NIBAN2: variants seen among roughly 807,000 people sequenced by gnomAD.
NIBAN2 encodes the protein niban apoptosis regulator 2, also known as protein Niban 2.
A neutral mutation model predicts 81.8 loss-of-function variants in NIBAN2; 36 were observed. The ratio of observed to expected loss-of-function variants is 0.44; its 90% CI spans 0.34 to 0.58. The LOEUF is 0.58. Ranked by LOEUF, NIBAN2 falls within the 20% of genes least tolerant of loss-of-function variation. The probability of loss-of-function intolerance (pLI) is 0.02; values close to 1 mark genes in which losing one functional copy is unlikely to be tolerated. For missense variants in NIBAN2, 897 were observed against 1,014.1 expected (o/e 0.88, Z 1.57); for synonymous variants, 445 against 441.6 (o/e 1.01, Z -0.10).
chr9:127,532,780 C>T (rs948065061), intron 1 of NIBAN2, among the ~76,000 whole-genome samples: 1 of 151,398 alleles, frequency 6.6e-6, no homozygotes, highest in Admixed American at 6.6e-5. Flanking sequence ...CACCTATAAT[C>T]CCAGCACTTT....
intron 1 of NIBAN2, among the ~76,000 whole-genome samples, chr9:127,574,122 T>C (rs1267900322): frequency 2.0e-5 from 3 of 152,248 alleles, no homozygotes; most frequent in Non-Finnish European, 4.4e-5. Context: ...ACGCTGTCTC[T>C]ATTCACCAGG....
At position 127,531,545 on chromosome 9, in the gene NIBAN2, C is replaced by T. The variant is rs149047846; in HGVS notation, c.186+103G>A. On this transcript the variant is annotated intron_variant, in intron 2 of 13. Transcript: ENST00000373312. ...CTGGGGAGACCCTTAGAGGCCATCA[C>T]AGTAACAATGGGAAACTGAGGCCCA... 2.6e-6 allele frequency: 3 copies of T among 1,141,130 alleles called. No individual in the cohort carries two copies. The African/African-American group carries it at 4.6e-5, about 18-fold the overall frequency. The allele number at this position is 1,141,130 out of a possible 1,614,324, so 70.7% of individuals were successfully genotyped here. A position where few individuals can be genotyped will look rare whatever the true frequency, so the allele number is the denominator to read the frequency against.
chr9:127,519,688 G>A (rs112990345), intron 5 of NIBAN2, among the ~76,000 whole-genome samples: 11 of 152,374 alleles, frequency 7.2e-5, no homozygotes, highest in African/African-American at 2.4e-4. Flanking sequence ...ACGGGGGCCT[G>A]TGGGAGTCTC....
At chr9:127,556,650 C>T (rs1301065406) in intron 1 of NIBAN2, among the ~76,000 whole-genome samples, 2 of 152,212 alleles carry the variant, frequency 1.3e-5, no homozygotes, top group Non-Finnish European at 2.9e-5. Context: ...GAAACTAAGG[C>T]ATAAAGCCTG....
rs992715022 is a variant in NIBAN2 at position 127,516,052 on chromosome 9, G to T, written c.973+805C>A. Among the ~76,000 whole-genome samples, 4 of 151,990 alleles carry T rather than the reference G, an allele frequency of 2.6e-5. No individual in the cohort carries two copies. In the East Asian group the frequency reaches 7.8e-4, roughly 29 times the overall value. ...ACTTGGGGGGTTGAAGTGGGAGGAT[G>T]GTAGAGACTGCAGTGAGCCAAGGTC... On this transcript the variant is annotated intron_variant, in intron 8 of 13. Transcript: ENST00000373312.
At chr9:127,552,640 T>C (rs1377104025) in intron 1 of NIBAN2, among the ~76,000 whole-genome samples, 2 of 150,800 alleles carry the variant, frequency 1.3e-5, no homozygotes, top group Non-Finnish European at 2.9e-5. Flanking sequence ...GGGCTTTGAC[T>C]GAGTAAGTTA....
rs931733810 is a variant in NIBAN2 at position 127,561,072 on chromosome 9, T to C, written c.55+7748A>G. 1.2e-4 allele frequency: 111 copies of C among 961,630 alleles called. No homozygotes were observed. The African/African-American group carries it at 1.9e-3, about 16-fold the overall frequency. 59.6% of individuals were successfully genotyped at this position (961,630 alleles called of 1,614,324 possible). ...TGGGCAAGGAGGGAGCATGTTCCCA[T>C]CCATCTTCTAACCCTTTTCCTCTGT... On this transcript the variant is annotated intron_variant, in intron 1 of 13. Transcript: ENST00000373312.
chr9:127,553,105 A>G (rs1007846925), intron 1 of NIBAN2, among the ~76,000 whole-genome samples: 18 of 152,168 alleles, frequency 1.2e-4, no homozygotes, highest in Admixed American at 6.5e-5. Flanking sequence ...GGGTGGTAGG[A>G]TTATCGGTGA....
chr9:127,563,016 T>C lies in NIBAN2; in HGVS notation c.55+5804A>G, dbSNP rs1837798744. 6.6e-6 allele frequency among the ~76,000 whole-genome samples: 1 copy of C among 152,220 alleles called. No individual in the cohort carries two copies. The highest frequency in any genetic ancestry group is 2.1e-4 in the South Asian group (1 of 4,836). On this transcript the variant is annotated intron_variant, in intron 1 of 13. Coordinates refer to ENST00000373312, the MANE Select transcript of NIBAN2 (RefSeq NM_022833.4). This position sits in a 1 kb window ranked among gnomAD's most constrained non-coding sequence, Gnocchi z 4.1. ...GTACTCCCAGAGGATGAAGTGGTTA[T>C]CGCAGGACGGCGGGTGAGTGGTTCC...
At chr9:127,549,253 C>T (rs1452808079) in intron 1 of NIBAN2, among the ~76,000 whole-genome samples, 5 of 152,190 alleles carry the variant, frequency 3.3e-5, no homozygotes, top group African/African-American at 1.2e-4. Context: ...TTTCCCTAAG[C>T]CCAAGTCAGG....
At chr9:127,569,184 GCGTCCCACCC>G, upstream of NIBAN2, 1 of 610,082 alleles carries the variant, frequency 1.6e-6, no homozygotes, top group Non-Finnish European at 1.9e-6. Flanking sequence ...TGCGCCCGCC[GCGTCCCACCC>G]CGCCCCGCCC....
chr9:127,518,616 C>G (rs988885430), intron 5 of NIBAN2, among the ~76,000 whole-genome samples: 32 of 152,200 alleles, frequency 2.1e-4, no homozygotes, highest in Non-Finnish European at 3.7e-4. Flanking sequence ...GGCCCATAGG[C>G]CATAGGTTTC....
chr9:127,549,393 A>C (rs540625907), intron 1 of NIBAN2, among the ~76,000 whole-genome samples: 3 of 151,874 alleles, frequency 2.0e-5, no homozygotes, highest in Non-Finnish European at 2.9e-5. Flanking sequence ...ACATGCACGC[A>C]CACACACTCA....
intron 8 of NIBAN2, among the ~76,000 whole-genome samples, chr9:127,512,276 G>A (rs1275802597): frequency 6.9e-6 from 1 of 144,330 alleles, no homozygotes; most frequent in East Asian, 2.0e-4. Flanking sequence ...ACTGAACCAT[G>A]TTCATTTTAC....
In NIBAN2 at chr9:127,563,931, A is replaced by T. The variant is rs575434278; in HGVS notation, c.55+4889T>A. On this transcript the variant is annotated intron_variant, in intron 1 of 13. Coordinates refer to ENST00000373312, the MANE Select transcript of NIBAN2 (RefSeq NM_022833.4). This position sits in a 1 kb window ranked among gnomAD's most constrained non-coding sequence, Gnocchi z 4.1. Reference sequence around the variant, plus strand: ...CAAAAGGATGAAAATGCTCAATGCTAAGGTCCATCTTAGCAGGAGAGTGTC... The same window carrying T: ...CAAAAGGATGAAAATGCTCAATGCTTAGGTCCATCTTAGCAGGAGAGTGTC... Among the ~76,000 whole-genome samples the T allele has an allele frequency of 1.8e-4, 27 of 152,300 alleles. No individual in the cohort carries two copies. Among genetic ancestry groups the T allele is most frequent in the African/African-American group, 6.5e-4 (27 of 41,570 alleles).
At chr9:127,569,538 G>A (rs1337585736), upstream of NIBAN2, among the ~76,000 whole-genome samples, 1 of 151,966 alleles carries the variant, frequency 6.6e-6, no homozygotes, top group Non-Finnish European at 1.5e-5. Context: ...GCGCCGAGGA[G>A]GATGTGGGGC....
upstream of NIBAN2, chr9:127,569,225 A>AC (rs1202292589): frequency 7.0e-3 from 2,558 of 363,100 alleles, 54 homozygotes; most frequent in East Asian, 0.062. Context: ...TCGGTCCTGC[A>AC]CCCCCCTGCG....
At chr9:127,523,170 A>T (rs1419626838) in intron 5 of NIBAN2, among the ~76,000 whole-genome samples, 4 of 6,376 alleles carry the variant, frequency 6.3e-4, no homozygotes, top group Admixed American at 5.3e-3. Flanking sequence ...TGGTGGTTTT[A>T]AAAAAAAAAA....
At chr9:127,534,015 T>C (rs921255490) in intron 1 of NIBAN2, among the ~76,000 whole-genome samples, 1 of 152,154 alleles carries the variant, frequency 6.6e-6, no homozygotes, top group Non-Finnish European at 1.5e-5. Flanking sequence ...GGTGCCCCCA[T>C]GTTCAGATGA....
Sources: gnomAD v4.1 joint callset for allele counts (sites outside exome capture counted in the v4.1 genomes callset) on GRCh38, gnomAD v4.1.1 for gene constraint, Gnocchi (gnomAD v3.1) non-coding constraint, MANE v1.5 for transcripts, NCBI Gene and HGNC (gene_info 2026-07-23, HGNC 2026-07-21) for gene names.